CNBD1: variants seen among roughly 807,000 people sequenced by gnomAD.
CNBD1 encodes the protein cyclic nucleotide binding domain containing 1.
Under a neutral mutation model 54.4 loss-of-function variants are expected in CNBD1, and 71 were observed. The ratio of observed to expected loss-of-function variants is 1.30; its 90% CI spans 1.08 to 1.59. The LOEUF is 1.59. Ranked by LOEUF, CNBD1 falls within the 40% of genes most tolerant of loss-of-function variation. CNBD1 has a pLI of 0.00. For synonymous variants in CNBD1, 182 were observed against 170.7 expected, an observed-to-expected ratio of 1.07 and a Z score of -0.51; for missense variants, 659 against 518.0, an observed-to-expected ratio of 1.27 and a Z score of -2.64.
At chr8:87,053,349 A>C (rs1810350125) in intron 4 of CNBD1, among the ~76,000 whole-genome samples, 1 of 152,218 alleles carries the variant, frequency 6.6e-6, no homozygotes. Context: ...CTTGTACAAA[A>C]GAATATGAGC....
At chr8:87,353,138 C>G (rs1232567299) in intron 9 of CNBD1, among the ~76,000 whole-genome samples, 1 of 152,170 alleles carries the variant, frequency 6.6e-6, no homozygotes, top group East Asian at 1.9e-4. Context: ...AACTCATTTT[C>G]CATGTTTCTT....
chr8:86,959,335 GTTC>G (rs2130465645), intron 4 of CNBD1, among the ~76,000 whole-genome samples: 1 of 152,232 alleles, frequency 6.6e-6, no homozygotes, highest in East Asian at 1.9e-4. Flanking sequence ...TCTTGGAGTT[GTTC>G]TTCTTAGTGA....
chr8:87,310,631 G>C (rs1294014913), intron 8 of CNBD1, among the ~76,000 whole-genome samples: 1 of 151,880 alleles, frequency 6.6e-6, no homozygotes, highest in South Asian at 2.1e-4. Flanking sequence ...TGAAATAAGC[G>C]ATTCTAAAAT....
At chr8:87,354,036 C>T (rs1810364737) in intron 10 of CNBD1, among the ~76,000 whole-genome samples, 1 of 151,906 alleles carries the variant, frequency 6.6e-6, no homozygotes, top group Non-Finnish European at 1.5e-5. Flanking sequence ...GGACTTGATG[C>T]CGAGGTTTGA....
intron 8 of CNBD1, among the ~76,000 whole-genome samples, chr8:87,337,977 T>C (rs186736943): frequency 2.6e-5 from 4 of 152,340 alleles, no homozygotes; most frequent in Admixed American, 6.5e-5. Context: ...TATTTTTGTC[T>C]TCTATATTGT....
At chr8:87,333,106 C>G (rs1189113325) in intron 8 of CNBD1, among the ~76,000 whole-genome samples, 5 of 151,846 alleles carry the variant, frequency 3.3e-5, no homozygotes, top group African/African-American at 9.7e-5. Flanking sequence ...TTAGATGTAT[C>G]TCTAGGTATT....
At chr8:86,910,130 C>T (rs770402105) in intron 3 of CNBD1, among the ~76,000 whole-genome samples, 2 of 151,914 alleles carry the variant, frequency 1.3e-5, no homozygotes, top group Non-Finnish European at 2.9e-5. Context: ...TAGTTGTAAT[C>T]GAAATTGGAC....
intron 4 of CNBD1, among the ~76,000 whole-genome samples, chr8:87,184,946 G>T (rs1487952771): frequency 6.6e-6 from 1 of 151,986 alleles, no homozygotes; most frequent in Non-Finnish European, 1.5e-5. Flanking sequence ...TTATTTTAAA[G>T]TATTTTAAAA....
intron 7 of CNBD1, 57 bp downstream of exon 7, chr8:87,284,872 A>G (rs2130870049): frequency 1.6e-6 from 2 of 1,235,984 alleles, no homozygotes; most frequent in East Asian, 2.6e-5. Flanking sequence ...CTCAAGCTAC[A>G]TTTTGATTCT....
At chr8:86,982,849 A>T (rs1808518911) in intron 4 of CNBD1, among the ~76,000 whole-genome samples, 1 of 152,230 alleles carries the variant, frequency 6.6e-6, no homozygotes, top group South Asian at 2.1e-4. Flanking sequence ...GATTGGGATT[A>T]TGTAAAACTG....
intron 6 of CNBD1, among the ~76,000 whole-genome samples, chr8:87,241,067 A>G (rs1807690103): frequency 1.3e-5 from 2 of 152,070 alleles, no homozygotes; most frequent in South Asian, 4.1e-4. Context: ...AGTGGAGGAA[A>G]AAGAAAACTT....
chr8:87,353,500 A>C (rs1002863384), intron 9 of CNBD1, 136 bp from the exon 10 acceptor site: 46 of 580,092 alleles, frequency 7.9e-5, no homozygotes, highest in African/African-American at 7.6e-4. Context: ...ATTTTTCTGT[A>C]ATTTAAATAC....
intron 2 of CNBD1, among the ~76,000 whole-genome samples, chr8:86,889,576 G>T (rs1011347397): frequency 6.6e-6 from 1 of 151,994 alleles, no homozygotes; most frequent in South Asian, 2.1e-4. Flanking sequence ...CATTAGTTTT[G>T]ATTCTAAAAA....
intron 8 of CNBD1, among the ~76,000 whole-genome samples, chr8:87,307,910 C>T (rs1809191673): frequency 1.3e-5 from 2 of 151,936 alleles, no homozygotes; most frequent in Non-Finnish European, 2.9e-5. Context: ...CTAGGAAGTT[C>T]AGGCATTTAT....
intron 2 of CNBD1, among the ~76,000 whole-genome samples, chr8:87,426,113 AG>A (rs1808043753): frequency 6.6e-6 from 1 of 152,210 alleles, no homozygotes. Flanking sequence ...TTCTTTGACT[AG>A]GAAAGGGAAC....
intron 4 of CNBD1, among the ~76,000 whole-genome samples, chr8:87,046,896 G>A (rs1018391858): frequency 1.3e-5 from 2 of 152,106 alleles, no homozygotes; most frequent in Non-Finnish European, 2.9e-5. Context: ...ATATCTTACA[G>A]GGGTCTGGGA....
At chr8:87,366,070 G>A (rs993801270) in intron 10 of CNBD1, among the ~76,000 whole-genome samples, 5 of 152,032 alleles carry the variant, frequency 3.3e-5, no homozygotes, top group African/African-American at 4.8e-5. Context: ...ATTGTAGGTT[G>A]ATAGGCCAGC....
intron 10 of CNBD1, among the ~76,000 whole-genome samples, chr8:87,364,737 T>C (rs1563570821): frequency 6.6e-6 from 1 of 151,986 alleles, no homozygotes; most frequent in Non-Finnish European, 1.5e-5. Context: ...AAGGAAAATA[T>C]GCTGTATTTG....
intron 2 of CNBD1, among the ~76,000 whole-genome samples, chr8:87,406,531 G>T (rs970062056): frequency 2.7e-5 from 4 of 146,962 alleles, no homozygotes; most frequent in Admixed American, 2.1e-4. Context: ...CTAGGCTGGA[G>T]TTCAGTGGCA....
Sources: allele counts gnomAD v4.1 joint callset (sites outside exome capture counted in the v4.1 genomes callset), GRCh38; gene constraint gnomAD v4.1.1; transcripts MANE v1.5; gene names NCBI Gene and HGNC (gene_info 2026-07-23, HGNC 2026-07-21).